Variants in SHROOM3 observed in about 807,000 individuals in gnomAD.
SHROOM3 encodes the protein protein Shroom3.
A neutral mutation model predicts 138.6 loss-of-function variants in SHROOM3; 47 were observed. The ratio of observed to expected loss-of-function variants is 0.34; its 90% CI spans 0.27 to 0.43. SHROOM3 has a LOEUF of 0.43. SHROOM3 is among the 20% of genes least tolerant of loss of function. The pLI, the probability that SHROOM3 is intolerant of heterozygous loss-of-function variation, is 1.00. For synonymous variants in SHROOM3, 1,062 were observed against 1,063.3 expected, an observed-to-expected ratio of 1.00 and a Z score of 0.02; for missense variants, 2,491 against 2,596.5, an observed-to-expected ratio of 0.96 and a Z score of 0.88.
chr4:76,685,362 T>C (rs1371911399), intron 2 of SHROOM3, among the ~76,000 whole-genome samples: 1 of 150,078 alleles, frequency 6.7e-6, no homozygotes, highest in African/African-American at 2.5e-5. Flanking sequence ...CGATAGCTGA[T>C]GAGCTAAAAA....
At chr4:76,730,422 C>G (rs969206116) in intron 3 of SHROOM3, among the ~76,000 whole-genome samples, 1 of 152,126 alleles carries the variant, frequency 6.6e-6, no homozygotes, top group East Asian at 1.9e-4. Flanking sequence ...GAATTGCGGG[C>G]TCCCATTTTT....
At chr4:76,658,831 A>G (rs537997399) in intron 2 of SHROOM3, among the ~76,000 whole-genome samples, 108 of 152,340 alleles carry the variant, frequency 7.1e-4, no homozygotes, top group African/African-American at 2.5e-3. Flanking sequence ...AAAACCAAGC[A>G]GATTGCAAAA....
At chr4:76,508,950 G>T (rs576787277) in intron 1 of SHROOM3, among the ~76,000 whole-genome samples, 1 of 152,090 alleles carries the variant, frequency 6.6e-6, no homozygotes, top group Non-Finnish European at 1.5e-5. Flanking sequence ...GGTGGAAGGC[G>T]GAAGGACAAA....
chr4:76,537,325 TC>T (rs1320346578), intron 1 of SHROOM3, among the ~76,000 whole-genome samples: 2 of 152,090 alleles, frequency 1.3e-5, no homozygotes, highest in Non-Finnish European at 2.9e-5. Context: ...GTCTAGGAGA[TC>T]CAGAGGGGCA....
At chr4:76,555,958 C>T (rs1292126285) in intron 2 of SHROOM3, among the ~76,000 whole-genome samples, 195 bp downstream of exon 2, 1 of 152,134 alleles carries the variant, frequency 6.6e-6, no homozygotes, top group Admixed American at 6.6e-5. Context: ...ACATTTCAGA[C>T]ACTGCTGTCT....
At chr4:76,532,902 G>A (rs1046355306) in intron 1 of SHROOM3, among the ~76,000 whole-genome samples, 4 of 152,002 alleles carry the variant, frequency 2.6e-5, no homozygotes, top group African/African-American at 7.3e-5. Context: ...TAAAATAAGG[G>A]GTACTTGAAC....
At chr4:76,554,972 T>TC (rs1224851785) in intron 1 of SHROOM3, among the ~76,000 whole-genome samples, 1 of 151,270 alleles carries the variant, frequency 6.6e-6, no homozygotes, top group Non-Finnish European at 1.5e-5. Flanking sequence ...GGTAGCACAC[T>TC]CCTTATGAGA....
At position 76,525,039 on chromosome 4, in the gene SHROOM3, A is replaced by T. The variant is rs551129085; in HGVS notation, c.169-30570A>T. Among the ~76,000 whole-genome samples, 4 of 152,198 alleles carry T rather than the reference A, an allele frequency of 2.6e-5. No homozygotes were observed. The East Asian group carries it at 5.8e-4, about 22-fold the overall frequency. On this transcript the variant is annotated intron_variant, in intron 1 of 10. Coordinates refer to ENST00000296043, the MANE Select transcript of SHROOM3 (RefSeq NM_020859.4). Reference sequence around the variant, plus strand: ...TTCCAGAGTGTCTATAACATTTTACATTCCCACCAGCAATGTATGAGAGAT... The same window carrying T: ...TTCCAGAGTGTCTATAACATTTTACTTTCCCACCAGCAATGTATGAGAGAT...
At chr4:76,778,048 G>A (rs542957453) in intron 10 of SHROOM3, among the ~76,000 whole-genome samples, 43 of 152,196 alleles carry the variant, frequency 2.8e-4, no homozygotes, top group African/African-American at 1.0e-3. Flanking sequence ...TCATCTGGAA[G>A]GCTTGTTAAA....
chr4:76,752,404 G>A (rs1721654000), intron 6 of SHROOM3, among the ~76,000 whole-genome samples: 1 of 151,974 alleles, frequency 6.6e-6, no homozygotes, highest in Non-Finnish European at 1.5e-5. Flanking sequence ...TAACACTACT[G>A]AACTTAAAAA....
intron 2 of SHROOM3, among the ~76,000 whole-genome samples, chr4:76,628,192 G>A (rs538121185): frequency 6.6e-6 from 1 of 152,340 alleles, no homozygotes; most frequent in Non-Finnish European, 1.5e-5. Flanking sequence ...TAACATTGAT[G>A]TTAGGAAAGT....
At chr4:76,752,603 G>A (rs912862977) in intron 6 of SHROOM3, among the ~76,000 whole-genome samples, 3 of 151,494 alleles carry the variant, frequency 2.0e-5, no homozygotes, top group Non-Finnish European at 4.4e-5. Context: ...ATTATAAAAG[G>A]GACTTGAACA....
Position 76,739,199 on chromosome 4 carries a change from G to A in SHROOM3, c.1026G>A (p.Gln342=), listed in dbSNP as rs768450600. The change falls in exon 5 of 11, where the codon CAG becomes CAA. Residue 342 remains glutamine (Q), a synonymous_variant. Coordinates refer to ENST00000296043, the MANE Select transcript of SHROOM3 (RefSeq NM_020859.4). ...AGGCCCGAGCCTCAGCAAATGGTCAGGGCTATGATAAATGGTCTAATATTC... is the reference window on the plus strand; with the variant it reads ...AGGCCCGAGCCTCAGCAAATGGTCAAGGCTATGATAAATGGTCTAATATTC... ...GREARASANG[Q]GYDKWSNIPR... 30 of 1,614,054 alleles carry A rather than the reference G, an allele frequency of 1.9e-5. No homozygotes were observed. Among genetic ancestry groups the A allele is most frequent in the African/African-American group, 2.7e-5 (2 of 74,930 alleles).
At chr4:76,436,419 C>G (rs1281772068) in intron 1 of SHROOM3, among the ~76,000 whole-genome samples, 199 bp downstream of exon 1, 1 of 151,906 alleles carries the variant, frequency 6.6e-6, no homozygotes. Context: ...CTATGAAATC[C>G]GAAGAAAAAT....
In SHROOM3 at chr4:76,709,578, G is replaced by C. The variant is rs1400558931; in HGVS notation, c.324-578G>C. The stretch of plus-strand genomic sequence containing the variant: ...GTTAGGGACTGGGGGTGGGAGGGTG[G>C]ATTTAAATGGACACACAAAAGGCTT... On this transcript the variant is annotated intron_variant, in intron 2 of 10. Coordinates refer to ENST00000296043, the MANE Select transcript of SHROOM3 (RefSeq NM_020859.4). Among the ~76,000 whole-genome samples, 5 of 151,966 alleles carry C rather than the reference G, an allele frequency of 3.3e-5. No homozygotes were observed. In the East Asian group the frequency reaches 9.7e-4, roughly 29 times the overall value.
chr4:76,553,903 C>A (rs1163325567), intron 1 of SHROOM3, among the ~76,000 whole-genome samples: 3 of 152,222 alleles, frequency 2.0e-5, no homozygotes, highest in African/African-American at 7.2e-5. Flanking sequence ...ATAGCCTCCC[C>A]CACTATCAAA....
chr4:76,699,120 C>T (rs1719831229), intron 2 of SHROOM3, among the ~76,000 whole-genome samples: 1 of 152,160 alleles, frequency 6.6e-6, no homozygotes, highest in South Asian at 2.1e-4. Flanking sequence ...ACTTTGTCCC[C>T]TTTTTACAGA....
intron 2 of SHROOM3, among the ~76,000 whole-genome samples, chr4:76,639,885 A>G (rs1308107876): frequency 1.3e-5 from 2 of 152,206 alleles, no homozygotes; most frequent in East Asian, 3.8e-4. Context: ...TATTTCTGCA[A>G]ACTTCTTTTT....
At chr4:76,495,934 C>T (rs1423671735) in intron 1 of SHROOM3, among the ~76,000 whole-genome samples, 1 of 152,130 alleles carries the variant, frequency 6.6e-6, no homozygotes, top group Non-Finnish European at 1.5e-5. Context: ...GTCAAGGAAC[C>T]AGGCACGACA....
Sources: allele counts gnomAD v4.1 joint callset (sites outside exome capture counted in the v4.1 genomes callset), GRCh38; gene constraint gnomAD v4.1.1; transcripts MANE v1.5; gene names NCBI Gene and HGNC (gene_info 2026-07-23, HGNC 2026-07-21).